NCAM1: variants seen among roughly 807,000 people sequenced by gnomAD.
NCAM1 encodes antigen recognized by monoclonal antibody 5.1H11.
NCAM1 carries 14 observed loss-of-function variants against 109.8 expected under a neutral mutation model. The observed-to-expected ratio is 0.13, with a 90% CI of 0.08 to 0.20. The LOEUF (loss-of-function observed/expected upper bound fraction) is 0.20. NCAM1 is among the 10% of genes least tolerant of loss of function. The pLI is 1.00. For synonymous variants in NCAM1, 418 were observed against 442.9 expected (o/e 0.94, Z 0.70); for missense variants, 774 against 1,109.9 (o/e 0.70, Z 4.30).
At position 113,277,828 on chromosome 11, in the gene NCAM1, A is replaced by G. The variant is rs1378467483; in HGVS notation, c.*2441A>G. The G allele has an allele frequency of 7.1e-6, 1 of 141,168 alleles. No homozygotes were observed. The highest frequency in any genetic ancestry group is 1.5e-5 in the Non-Finnish European group (1 of 68,642). The allele number at this position is 141,168 out of a possible 1,614,324, so 8.7% of individuals were successfully genotyped here. On this transcript the variant is annotated 3_prime_UTR_variant, in exon 20 of 20. Coordinates refer to ENST00000316851, the MANE Select transcript of NCAM1 (RefSeq NM_181351.5). ...CTCCCATTACACATAGGTTTGTCTCAGCATGCAAGAGTTTTTCCTTTAAAA... is the reference window on the plus strand; with the variant it reads ...CTCCCATTACACATAGGTTTGTCTCGGCATGCAAGAGTTTTTCCTTTAAAA...
At chr11:113,021,479 A>C (rs566188121) in intron 1 of NCAM1, among the ~76,000 whole-genome samples, 1 of 152,344 alleles carries the variant, frequency 6.6e-6, no homozygotes, top group East Asian at 1.9e-4. Context: ...TTGGTATAGG[A>C]AAATGGTCTT....
At chr11:113,173,940 A>G (rs973950058) in intron 1 of NCAM1, among the ~76,000 whole-genome samples, 5 of 151,890 alleles carry the variant, frequency 3.3e-5, no homozygotes, top group Admixed American at 2.0e-4. Flanking sequence ...CCTGTTCCAA[A>G]TCATCCCTTA....
chr11:113,193,215 G>C (rs1943740390), intron 1 of NCAM1, among the ~76,000 whole-genome samples: 1 of 152,204 alleles, frequency 6.6e-6, no homozygotes, highest in African/African-American at 2.4e-5. Flanking sequence ...AAACAAGCAG[G>C]CGTGTATCAT....
intron 1 of NCAM1, among the ~76,000 whole-genome samples, chr11:113,101,400 G>GTT: frequency 1.3e-5 from 2 of 152,252 alleles, no homozygotes; most frequent in East Asian, 3.9e-4. Context: ...TAATAGCATG[G>GTT]TTATTTTCCT....
intron 1 of NCAM1, among the ~76,000 whole-genome samples, chr11:113,049,967 A>C (rs935286279): frequency 2.0e-5 from 3 of 152,180 alleles, no homozygotes; most frequent in Non-Finnish European, 4.4e-5. Context: ...GGCATTTGGC[A>C]TGAGTCTGAA....
intron 1 of NCAM1, among the ~76,000 whole-genome samples, chr11:113,040,407 G>A (rs1347612001): frequency 1.3e-5 from 2 of 152,094 alleles, no homozygotes; most frequent in Admixed American, 1.3e-4. Flanking sequence ...CTTAAAAAGG[G>A]GACAGCAAAC....
rs188369179 is a variant in NCAM1 at position 113,048,981 on chromosome 11, A to G, written c.52+87317A>G. ...TGTTCTACGGGCTAAGGGTGCAGTG[A>G]TGAACCAGACCCCTACAGTTCCTGC... On this transcript the variant is annotated intron_variant, in intron 1 of 19. Coordinates refer to ENST00000316851, the MANE Select transcript of NCAM1 (RefSeq NM_181351.5). 9.9e-5 allele frequency among the ~76,000 whole-genome samples: 15 copies of G among 152,238 alleles called. No homozygotes were observed. The South Asian group carries it at 1.7e-3, about 17-fold the overall frequency.
rs1946433920 is a variant in NCAM1, at chr11:113,277,873, A to AAAAAAAAAAAAAAAC, written c.*2489_*2490insAAAAAAAAAAACAAA. The stretch of plus-strand genomic sequence containing the variant: ...TTAAAAAAAAAAAAAAAAAAAAAAA[A>AAAAAAAAAAAAAAAC]AAAGCAATGCTTTCTCTAAAATCAA... On this transcript the variant is annotated 3_prime_UTR_variant, in exon 20 of 20. Coordinates refer to ENST00000316851, the MANE Select transcript of NCAM1 (RefSeq NM_181351.5). 6.5e-6 allele frequency: 1 copy of AAAAAAAAAAAAAAAC among 154,406 alleles called. No homozygotes were observed. The highest frequency in any genetic ancestry group is 2.4e-5 in the African/African-American group (1 of 41,404). 9.6% of individuals were successfully genotyped at this position (154,406 alleles called of 1,614,324 possible).
At position 112,962,084 on chromosome 11, in the gene NCAM1, G is replaced by A. The variant is rs1162668766; in HGVS notation, c.52+420G>A. On this transcript the variant is annotated intron_variant, in intron 1 of 19. Coordinates refer to ENST00000316851, the MANE Select transcript of NCAM1 (RefSeq NM_181351.5). The surrounding 1 kb of genome is among the most constrained non-coding windows in gnomAD (Gnocchi z 5.6). ...TCGGATTCCGAGGGGGAAGTGGCTTGTCAGCCCCGGCTCCGGGAAGAGTGA... is the reference window on the plus strand; with the variant it reads ...TCGGATTCCGAGGGGGAAGTGGCTTATCAGCCCCGGCTCCGGGAAGAGTGA... Among the ~76,000 whole-genome samples, 1 of 152,168 alleles carries A rather than the reference G, an allele frequency of 6.6e-6. No homozygotes were observed. Among genetic ancestry groups the A allele is most frequent in the Non-Finnish European group, 1.5e-5 (1 of 68,010 alleles).
chr11:113,034,798 A>ACCAAACC (rs1952816693), intron 1 of NCAM1, among the ~76,000 whole-genome samples: 1 of 152,200 alleles, frequency 6.6e-6, no homozygotes, highest in African/African-American at 2.4e-5. Flanking sequence ...AGTGTGACTA[A>ACCAAACC]CCAAACCCCA....
At chr11:113,028,625 A>G (rs896567848) in intron 1 of NCAM1, among the ~76,000 whole-genome samples, 23 of 152,352 alleles carry the variant, frequency 1.5e-4, no homozygotes, top group African/African-American at 5.3e-4. Flanking sequence ...ATAGCATTAT[A>G]AAGTTATCTA....
chr11:113,127,927 C>T (rs1354517339), intron 1 of NCAM1, among the ~76,000 whole-genome samples: 1 of 152,160 alleles, frequency 6.6e-6, no homozygotes, highest in Non-Finnish European at 1.5e-5. Context: ...AAGGACTGGG[C>T]ACAGGAGATT....
At chr11:113,234,914 T>C (rs1415826900) in intron 13 of NCAM1, 119 bp from the exon 14 acceptor site, 67 of 1,308,010 alleles carry the variant, frequency 5.1e-5, no homozygotes, top group Non-Finnish European at 6.4e-5. Context: ...AGAAATAGAA[T>C]TGCTGGACCA....
intron 1 of NCAM1, among the ~76,000 whole-genome samples, chr11:113,177,071 A>G (rs1943175336): frequency 1.3e-5 from 2 of 152,224 alleles, no homozygotes; most frequent in African/African-American, 2.4e-5. Context: ...ACAATGTGGC[A>G]GGGGTCATTG....
At chr11:113,116,354 G>T (rs1940708391) in intron 1 of NCAM1, among the ~76,000 whole-genome samples, 1 of 152,146 alleles carries the variant, frequency 6.6e-6, no homozygotes, top group East Asian at 1.9e-4. Flanking sequence ...AAAGAGAAGG[G>T]TGGTGGACTG....
intron 1 of NCAM1, among the ~76,000 whole-genome samples, chr11:113,057,166 T>A (rs1953742721): frequency 6.6e-6 from 1 of 152,122 alleles, no homozygotes; most frequent in South Asian, 2.1e-4. Context: ...AAGAGTAATG[T>A]CAGGAATGAC....
Position 113,205,674 on chromosome 11 carries a change from C to A in NCAM1, c.490+8C>A, listed in dbSNP as rs782158279. On this transcript the variant is annotated splice_region_variant and intron_variant, in intron 4 of 19. Coordinates refer to ENST00000316851, the MANE Select transcript of NCAM1 (RefSeq NM_181351.5). The stretch of plus-strand genomic sequence containing the variant: ...TCATCCTGAAAAAAGATGGTGAGAC[C>A]TGAATTTCCTGGCATCTGCCTTTTC... 32 of 1,611,544 alleles carry A rather than the reference C, an allele frequency of 2.0e-5. No homozygotes were observed. The highest frequency in any genetic ancestry group is 3.3e-4 in the Middle Eastern group (2 of 6,050).
intron 1 of NCAM1, among the ~76,000 whole-genome samples, chr11:113,154,195 C>T (rs576174537): frequency 1.3e-5 from 2 of 152,288 alleles, no homozygotes; most frequent in East Asian, 1.9e-4. Flanking sequence ...AGATAGACTC[C>T]GGTTTCTGGT....
intron 15 of NCAM1, among the ~76,000 whole-genome samples, chr11:113,253,801 G>C (rs1470212154): frequency 1.3e-5 from 2 of 152,186 alleles, no homozygotes; most frequent in Admixed American, 1.3e-4. Context: ...CAGAGTCAGT[G>C]TCATGATTCT....
Sources: gnomAD v4.1 joint callset for allele counts (sites outside exome capture counted in the v4.1 genomes callset) on GRCh38, gnomAD v4.1.1 for gene constraint, Gnocchi (gnomAD v3.1) non-coding constraint, MANE v1.5 for transcripts, NCBI Gene and HGNC (gene_info 2026-07-23, HGNC 2026-07-21) for gene names.